Variants in SORCS1 observed in about 807,000 individuals in gnomAD.
SORCS1 encodes the protein VPS10 domain-containing receptor SorCS1.
Under a neutral mutation model 146.1 loss-of-function variants are expected in SORCS1, and 60 were observed. That is an observed-to-expected ratio of 0.41 (90% CI 0.33 to 0.51). SORCS1 has a LOEUF of 0.51. SORCS1 is among the 20% of genes least tolerant of loss of function. The pLI is 0.21. For missense variants in SORCS1, 1,352 were observed against 1,487.6 expected, an observed-to-expected ratio of 0.91 and a Z score of 1.50; for synonymous variants, 637 against 584.0, an observed-to-expected ratio of 1.09 and a Z score of -1.31.
At chr10:106,648,084 A>G (rs1456242822) in intron 18 of SORCS1, among the ~76,000 whole-genome samples, 1 of 151,428 alleles carries the variant, frequency 6.6e-6, no homozygotes, top group Non-Finnish European at 1.5e-5. Flanking sequence ...CTGGTCTCAA[A>G]CTCCTGGACT....
chr10:106,765,206 G>A (rs528749908), intron 4 of SORCS1, among the ~76,000 whole-genome samples: 25 of 152,210 alleles, frequency 1.6e-4, no homozygotes, highest in African/African-American at 5.5e-4. Flanking sequence ...TAAAGTATCT[G>A]TGACTACATT....
chr10:106,919,792 G>T (rs186578142), intron 2 of SORCS1, among the ~76,000 whole-genome samples: 3 of 152,308 alleles, frequency 2.0e-5, no homozygotes, highest in Admixed American at 1.3e-4. Context: ...GACCATGTAT[G>T]TCCTGGTTGG....
At chr10:107,077,879 AAGTT>A (rs1013632448) in intron 1 of SORCS1, among the ~76,000 whole-genome samples, 66 of 152,308 alleles carry the variant, frequency 4.3e-4, no homozygotes, top group African/African-American at 1.5e-3. Flanking sequence ...TTTAGGAAGA[AAGTT>A]AGGCAAATGC....
At chr10:106,752,486 T>C (rs148166080) in intron 5 of SORCS1, among the ~76,000 whole-genome samples, 2,370 of 152,316 alleles carry the variant, frequency 0.016, 27 homozygotes, top group Non-Finnish European at 0.022. Context: ...GACAGATCCA[T>C]AGACTTACTA....
chr10:106,820,950 T>C (rs1947991211), intron 3 of SORCS1, among the ~76,000 whole-genome samples: 1 of 152,198 alleles, frequency 6.6e-6, no homozygotes, highest in Non-Finnish European at 1.5e-5. Context: ...GGGCACTTAA[T>C]ATTTGGCCAG....
At chr10:106,710,449 A>AAAAAAAAAAAG (rs59130210) in intron 6 of SORCS1, among the ~76,000 whole-genome samples, 1 of 150,532 alleles carries the variant, frequency 6.6e-6, no homozygotes, top group African/African-American at 2.4e-5. Flanking sequence ...AAAAAAAAAA[A>AAAAAAAAAAAG]GCAAAACCGA....
At chr10:106,840,450 T>C (rs1263049122) in intron 2 of SORCS1, among the ~76,000 whole-genome samples, 2 of 151,584 alleles carry the variant, frequency 1.3e-5, no homozygotes, top group Non-Finnish European at 2.9e-5. Flanking sequence ...CAATGAGGAG[T>C]TGCTTCTTAT....
the SORCS1 span, among the ~76,000 whole-genome samples, chr10:107,179,962 G>A: frequency 1.6e-5 from 2 of 123,832 alleles, no homozygotes; most frequent in Admixed American, 1.0e-4. Context: ...TGTCACCCAG[G>A]CTAGAGTGCA....
In SORCS1 at chr10:106,671,291, T is replaced by C; in HGVS notation, c.2135A>G (p.Tyr712Cys). 6.2e-7 allele frequency: 1 copy of C among 1,614,172 alleles called. No homozygotes were observed. The highest frequency in any genetic ancestry group is 2.2e-5 in the East Asian group (1 of 44,870). Residue 712 changes from tyrosine to cysteine, a missense_variant, in exon 16 of 26, where the codon TAT becomes TGT. Transcript: ENST00000263054. ...GGGTTCAGATTCCATAGCTCCTGCATATTTTCCTTGCATACACTTCCGCTC... is the reference window on the plus strand; with the variant it reads ...GGGTTCAGATTCCATAGCTCCTGCACATTTTCCTTGCATACACTTCCGCTC... ...KSERKCMQGK[Y>C]AGAMESEPCV...
At chr10:106,629,522 G>T in intron 18 of SORCS1, 134 bp from the exon 19 acceptor site, 1 of 769,422 alleles carries the variant, frequency 1.3e-6, no homozygotes, top group Non-Finnish European at 2.1e-6. Context: ...ACAGCTAGGA[G>T]CATCTGCCTG....
At chr10:107,108,741 C>T (rs368625338) in intron 1 of SORCS1, among the ~76,000 whole-genome samples, 19 of 152,240 alleles carry the variant, frequency 1.2e-4, no homozygotes, top group African/African-American at 4.1e-4. Context: ...CTAGCATCAA[C>T]TCAAAAGTCC....
chr10:106,831,353 T>C (rs1337195000), intron 2 of SORCS1, among the ~76,000 whole-genome samples: 2 of 152,228 alleles, frequency 1.3e-5, no homozygotes, highest in Non-Finnish European at 2.9e-5. Flanking sequence ...ACAGTGTTGC[T>C]AAGTGTAAGG....
chr10:106,926,540 C>A (rs1953028943), intron 2 of SORCS1, among the ~76,000 whole-genome samples: 1 of 152,080 alleles, frequency 6.6e-6, no homozygotes, highest in Non-Finnish European at 1.5e-5. Flanking sequence ...TTTTATTGAA[C>A]ATTTACTATT....
intron 5 of SORCS1, among the ~76,000 whole-genome samples, chr10:106,736,253 C>T (rs1856935943): frequency 6.6e-6 from 1 of 152,114 alleles, no homozygotes; most frequent in Admixed American, 6.6e-5. Context: ...CACAAAATGT[C>T]CTGATGTAGA....
chr10:106,718,907 G>C (rs963447948), intron 6 of SORCS1, among the ~76,000 whole-genome samples: 2 of 152,180 alleles, frequency 1.3e-5, no homozygotes, highest in African/African-American at 4.8e-5. Context: ...CCTTTAGCTA[G>C]ACACAGACCG....
intron 6 of SORCS1, 25 bp from the exon 7 acceptor site, chr10:106,709,366 A>C: frequency 3.4e-6 from 5 of 1,490,586 alleles, no homozygotes; most frequent in East Asian, 2.3e-5. Context: ...CAAAAACAAA[A>C]ACATGGGGTT....
intron 9 of SORCS1, among the ~76,000 whole-genome samples, chr10:106,692,591 A>C (rs917892471): frequency 6.6e-6 from 1 of 152,210 alleles, no homozygotes; most frequent in African/African-American, 2.4e-5. Context: ...TTTACATTTT[A>C]AGTGGGCAAA....
intron 1 of SORCS1, among the ~76,000 whole-genome samples, chr10:107,045,107 A>G (rs1476786219): frequency 6.6e-6 from 1 of 152,164 alleles, no homozygotes; most frequent in Non-Finnish European, 1.5e-5. Flanking sequence ...AGGACCATCA[A>G]TGCCAGGTTA....
chr10:106,904,739 T>C (rs2138124802), intron 2 of SORCS1, among the ~76,000 whole-genome samples: 1 of 152,294 alleles, frequency 6.6e-6, no homozygotes, highest in South Asian at 2.1e-4. Flanking sequence ...ATCCAACTGA[T>C]AGACCCGTTT....
Sources: allele counts gnomAD v4.1 joint callset (sites outside exome capture counted in the v4.1 genomes callset), GRCh38; gene constraint gnomAD v4.1.1; transcripts MANE v1.5; gene names NCBI Gene and HGNC (gene_info 2026-07-23, HGNC 2026-07-21).